Variants in CHLSN observed in about 807,000 individuals in gnomAD.
CHLSN encodes cholesin, also known as protein cholesin.
At chr7:1,033,581 G>A in the CHLSN span, among the ~76,000 whole-genome samples, 4 of 151,902 alleles carry the variant, frequency 2.6e-5, no homozygotes, top group African/African-American at 4.8e-5. Flanking sequence ...AAATACCATC[G>A]ATATAATGCA....
chr7:1,016,862 G>A, the CHLSN span, among the ~76,000 whole-genome samples: 1 of 132,618 alleles, frequency 7.5e-6, no homozygotes, highest in Admixed American at 7.3e-5. Flanking sequence ...GCAGCACACA[G>A]CACACAGCAG....
chr7:1,048,941 G>A, the CHLSN span, among the ~76,000 whole-genome samples: 5 of 152,304 alleles, frequency 3.3e-5, no homozygotes, highest in South Asian at 2.1e-4. Flanking sequence ...GTGAAACATC[G>A]GGAAATTCAT....
At chr7:1,075,326 C>G in the CHLSN span, among the ~76,000 whole-genome samples, 2 of 152,084 alleles carry the variant, frequency 1.3e-5, no homozygotes, top group African/African-American at 4.8e-5. Context: ...GCCTCTTCAA[C>G]ATGGTAAAAT....
At chr7:984,298 T>A in the CHLSN span, 1 of 1,356,542 alleles carries the variant, frequency 7.4e-7, no homozygotes, top group Non-Finnish European at 9.8e-7. Flanking sequence ...CCCCTCCACC[T>A]GCCCCCATTT....
chr7:1,099,251 C>T, the CHLSN span, among the ~76,000 whole-genome samples: 4 of 151,082 alleles, frequency 2.6e-5, no homozygotes, highest in African/African-American at 9.7e-5. Flanking sequence ...CGCGTTCCTG[C>T]AGCGGCCTCC....
chr7:1,061,141 G>A, the CHLSN span, among the ~76,000 whole-genome samples: 1 of 152,324 alleles, frequency 6.6e-6, no homozygotes, highest in South Asian at 2.1e-4. Context: ...AAAGGCAGGA[G>A]GGGCCTAAAA....
the CHLSN span, chr7:1,127,237 T>A: frequency 1.3e-6 from 2 of 1,584,504 alleles, no homozygotes; most frequent in Non-Finnish European, 1.7e-6. Context: ...GCAGGGCCAG[T>A]GAAGCACAGG....
chr7:1,099,863 T>C, the CHLSN span, among the ~76,000 whole-genome samples: 1 of 152,218 alleles, frequency 6.6e-6, no homozygotes, highest in African/African-American at 2.4e-5. Flanking sequence ...GGTACGTCAT[T>C]CAGGCCACGG....
the CHLSN span, chr7:1,010,020 C>T: frequency 1.2e-6 from 2 of 1,605,496 alleles, no homozygotes; most frequent in Admixed American, 1.7e-5. Flanking sequence ...ACAAGGCCTG[C>T]CTCCCGCAGA....
At chr7:1,121,479 G>C in the CHLSN span, among the ~76,000 whole-genome samples, 11 of 152,248 alleles carry the variant, frequency 7.2e-5, no homozygotes, top group African/African-American at 2.2e-4. Flanking sequence ...AGGCCATGAA[G>C]TTCACGGCCT....
the CHLSN span, among the ~76,000 whole-genome samples, chr7:1,106,796 A>G: frequency 6.6e-6 from 1 of 152,222 alleles, no homozygotes; most frequent in Non-Finnish European, 1.5e-5. Context: ...ACTGACCTCA[A>G]GTCTGAATCT....
At chr7:1,107,754 G>T in the CHLSN span, among the ~76,000 whole-genome samples, 1 of 152,186 alleles carries the variant, frequency 6.6e-6, no homozygotes, top group Non-Finnish European at 1.5e-5. Flanking sequence ...CACGCCCCGG[G>T]AGGAAGCAGA....
At chr7:1,002,812 G>T in the CHLSN span, among the ~76,000 whole-genome samples, 1 of 84,342 alleles carries the variant, frequency 1.2e-5, no homozygotes, top group African/African-American at 5.0e-5. Flanking sequence ...TCCTGTGGGT[G>T]GGGAGTCCTG....
the CHLSN span, chr7:988,662 T>A: frequency 6.2e-7 from 1 of 1,601,174 alleles, no homozygotes; most frequent in African/African-American, 1.3e-5. Flanking sequence ...GGGGAGCGCC[T>A]GGCCAGGACC....
At chr7:1,016,498 C>A in the CHLSN span, among the ~76,000 whole-genome samples, 781 of 131,046 alleles carry the variant, frequency 6.0e-3, 36 homozygotes, top group African/African-American at 0.021. Context: ...CAGCAGCGCA[C>A]AGCAGCACAG....
At chr7:1,048,418 G>A in the CHLSN span, among the ~76,000 whole-genome samples, 7 of 152,184 alleles carry the variant, frequency 4.6e-5, no homozygotes, top group East Asian at 7.7e-4. Context: ...CAGTGCAGGC[G>A]CTATGATGCT....
At chr7:1,114,183 C>T in the CHLSN span, among the ~76,000 whole-genome samples, 24 of 152,190 alleles carry the variant, frequency 1.6e-4, no homozygotes, top group African/African-American at 3.6e-4. Flanking sequence ...CCAGACTGTG[C>T]GGCCACTGGC....
chr7:1,127,384 A>T, the CHLSN span: 2 of 1,603,428 alleles, frequency 1.2e-6, no homozygotes, highest in Non-Finnish European at 1.7e-6. Context: ...CTGTTTTGCC[A>T]TCCTGCAACA....
At chr7:1,069,975 G>A in the CHLSN span, among the ~76,000 whole-genome samples, 1 of 113,876 alleles carries the variant, frequency 8.8e-6, no homozygotes, top group Non-Finnish European at 1.8e-5. Flanking sequence ...CATCGTCTGA[G>A]ATGTGGGGAG....
Sources: allele counts gnomAD v4.1 joint callset (sites outside exome capture counted in the v4.1 genomes callset), GRCh38; gene constraint gnomAD v4.1.1; transcripts MANE v1.5; gene names NCBI Gene and HGNC (gene_info 2026-07-23, HGNC 2026-07-21).